The following PFKFB3 variants were observed in gnomAD, a reference collection of about 807,000 sequenced individuals.
PFKFB3 encodes the protein 6-phosphofructo-2-kinase/fructose-2,6-biphosphatase 3, also known as 6-phosphofructo-2-kinase/fructose-2,6-bisphosphatase 3.
PFKFB3 carries 33 observed loss-of-function variants against 68.0 expected under a neutral mutation model. That is an observed-to-expected ratio of 0.49 (90% CI 0.37 to 0.65). The LOEUF (loss-of-function observed/expected upper bound fraction) is 0.65, where lower values mean the gene tolerates loss of function less well. Ranked by LOEUF, PFKFB3 falls within the 30% of genes least tolerant of loss-of-function variation. The pLI, the probability that PFKFB3 is intolerant of heterozygous loss-of-function variation, is 0.00. For missense variants in PFKFB3, 586 were observed against 712.2 expected, an observed-to-expected ratio of 0.82 and a Z score of 2.02; for synonymous variants, 315 against 288.2, an observed-to-expected ratio of 1.09 and a Z score of -0.94.
intron 1 of PFKFB3, among the ~76,000 whole-genome samples, chr10:6,195,452 G>C (rs1843151763): frequency 6.6e-6 from 1 of 152,344 alleles, no homozygotes; most frequent in Non-Finnish European, 1.5e-5. Flanking sequence ...CCATGGCTAA[G>C]CATGAAAACA....
chr10:6,314,743 C>G, the PFKFB3 span, among the ~76,000 whole-genome samples: 1 of 152,114 alleles, frequency 6.6e-6, no homozygotes, highest in South Asian at 2.1e-4. Flanking sequence ...ATGGCCGGGT[C>G]GAAGGGTAGG....
chr10:6,298,372 C>CTTT, the PFKFB3 span, among the ~76,000 whole-genome samples: 8 of 139,662 alleles, frequency 5.7e-5, no homozygotes, highest in Non-Finnish European at 4.7e-5. Flanking sequence ...GTTCAGGGCA[C>CTTT]TTTTTTTTTT....
chr10:6,236,658 C>T (rs1222164696), downstream of PFKFB3, among the ~76,000 whole-genome samples: 1 of 152,224 alleles, frequency 6.6e-6, no homozygotes, highest in Non-Finnish European at 1.5e-5. Context: ...CGTTTGATGG[C>T]GTGAGATGTG....
At chr10:6,258,366 A>G (rs1846510716), downstream of PFKFB3, among the ~76,000 whole-genome samples, 1 of 152,202 alleles carries the variant, frequency 6.6e-6, no homozygotes, top group African/African-American at 2.4e-5. Flanking sequence ...CAGGAACAAA[A>G]AAGACAGAAA....
the PFKFB3 span, among the ~76,000 whole-genome samples, chr10:6,319,866 A>T: frequency 1.3e-5 from 2 of 152,192 alleles, no homozygotes; most frequent in Non-Finnish European, 2.9e-5. Flanking sequence ...ACAACAAAAC[A>T]TCTTGTTAAA....
intron 1 of PFKFB3, 71 bp downstream of exon 1, chr10:6,203,407 T>TTGTGCCGACGCCCCTCTGCGG: frequency 8.3e-7 from 1 of 1,210,218 alleles, no homozygotes; most frequent in Non-Finnish European, 1.1e-6. Flanking sequence ...TGGGGCGGCT[T>TTGTGCCGACGCCCCTCTGCGG]TGTGCCGACG....
chr10:6,209,973 C>CG (rs1844058526), intron 1 of PFKFB3, among the ~76,000 whole-genome samples: 1 of 151,320 alleles, frequency 6.6e-6, no homozygotes, highest in Non-Finnish European at 1.5e-5. Context: ...GCTGTGGTCT[C>CG]GATCTCCTGA....
At chr10:6,236,019 G>A (rs141121570), downstream of PFKFB3, among the ~76,000 whole-genome samples, 4 of 152,100 alleles carry the variant, frequency 2.6e-5, no homozygotes, top group East Asian at 5.8e-4. Flanking sequence ...TGCCTGCGTC[G>A]GCTTCCCAAA....
downstream of PFKFB3, among the ~76,000 whole-genome samples, chr10:6,237,092 C>T (rs570180358): frequency 2.0e-5 from 3 of 152,354 alleles, no homozygotes; most frequent in Non-Finnish European, 2.9e-5. Context: ...TCGAGAGTGC[C>T]GCTCCCTCCC....
At chr10:6,207,077 C>G (rs549836829) in intron 1 of PFKFB3, among the ~76,000 whole-genome samples, 1 of 152,250 alleles carries the variant, frequency 6.6e-6, no homozygotes, top group East Asian at 1.9e-4. Flanking sequence ...TTTGGGAGGC[C>G]AAGGCAGGCG....
chr10:6,221,554 C>T, intron 9 of PFKFB3, 27 bp downstream of exon 9: 2 of 1,612,378 alleles, frequency 1.2e-6, no homozygotes, highest in Non-Finnish European at 1.7e-6. Flanking sequence ...GGGCAGGCAG[C>T]CTCACCCTCG....
chr10:6,255,305 G>T (rs1329618213), downstream of PFKFB3, among the ~76,000 whole-genome samples: 1 of 151,446 alleles, frequency 6.6e-6, no homozygotes, highest in African/African-American at 2.4e-5. Flanking sequence ...TGTGTTTTTA[G>T]TAGAGATGGG....
At position 6,216,703 on chromosome 10, in the gene PFKFB3, C is replaced by G. The variant is rs779755778; in HGVS notation, c.367-3C>G. ...CTTCCTGGCCCTTTGCTCTCCATATCAGGTTTTCGATGCCACCAATACTAC... is the reference window on the plus strand; with the variant it reads ...CTTCCTGGCCCTTTGCTCTCCATATGAGGTTTTCGATGCCACCAATACTAC... On this transcript the variant is annotated splice_polypyrimidine_tract_variant and splice_region_variant and intron_variant, in intron 4 of 14. Coordinates refer to ENST00000379775, the MANE Select transcript of PFKFB3 (RefSeq NM_004566.4). 4 of 1,603,620 alleles carry G rather than the reference C, an allele frequency of 2.5e-6. No individual in the cohort carries two copies. Among genetic ancestry groups the G allele is most frequent in the Non-Finnish European group, 3.4e-6 (4 of 1,170,568 alleles).
chr10:6,219,417 A>C (rs1844800166), intron 6 of PFKFB3, 152 bp from the exon 7 acceptor site: 1 of 755,256 alleles, frequency 1.3e-6, no homozygotes, highest in Non-Finnish European at 2.2e-6. Flanking sequence ...CTCAGCCCCC[A>C]GCATCTTTCT....
the PFKFB3 span, among the ~76,000 whole-genome samples, chr10:6,295,926 A>C: frequency 6.6e-6 from 1 of 152,186 alleles, no homozygotes; most frequent in East Asian, 1.9e-4. Flanking sequence ...TAGAGCTTTC[A>C]ATTCTCAAGC....
intron 10 of PFKFB3, chr10:6,222,576 T>C (rs1004954294): frequency 1.2e-5 from 3 of 253,274 alleles, no homozygotes; most frequent in African/African-American, 6.9e-5. Context: ...GGGCATTCCA[T>C]GTCAGTGGAG....
chr10:6,277,829 A>G, the PFKFB3 span: 1 of 357,044 alleles, frequency 2.8e-6, no homozygotes, highest in East Asian at 9.5e-5. Flanking sequence ...TAGCAGTGTG[A>G]GAATGGACTA....
chr10:6,302,362 GTTTTTTTTTTTTTTTTTTTTTT>G, the PFKFB3 span, among the ~76,000 whole-genome samples: 1 of 78,494 alleles, frequency 1.3e-5, no homozygotes, highest in African/African-American at 6.5e-5. Flanking sequence ...TGCCTGGCCA[GTTTTTTTTTTTTTTTTTTTTTT>G]TTTTTTTTTT....
At chr10:6,321,677 A>G in the PFKFB3 span, among the ~76,000 whole-genome samples, 6,452 of 152,248 alleles carry the variant, frequency 0.042, 457 homozygotes, top group African/African-American at 0.15. Flanking sequence ...TCACTCACCC[A>G]ACCCTGGTTG....
Sources: allele counts gnomAD v4.1 joint callset (sites outside exome capture counted in the v4.1 genomes callset), GRCh38; gene constraint gnomAD v4.1.1; transcripts MANE v1.5; gene names NCBI Gene and HGNC (gene_info 2026-07-23, HGNC 2026-07-21).